The following TOM1L2 variants were observed in gnomAD, a reference collection of about 807,000 sequenced individuals.
TOM1L2 encodes the protein target of myb1 like 2 membrane trafficking protein, also known as TOM1-like protein 2.
TOM1L2 carries 31 observed loss-of-function variants against 67.9 expected under a neutral mutation model. The observed-to-expected ratio is 0.46, with a 90% CI of 0.34 to 0.62. The LOEUF is 0.62. Among genes scored for constraint, TOM1L2 ranks in the 20% least tolerant of loss-of-function variants. The pLI, the probability that TOM1L2 is intolerant of heterozygous loss-of-function variation, is 0.01. For synonymous variants in TOM1L2, 256 were observed against 254.0 expected (o/e 1.01, Z -0.07); for missense variants, 606 against 663.5 (o/e 0.91, Z 0.95).
chr17:17,950,600 G>C (rs1288126652), intron 1 of TOM1L2, among the ~76,000 whole-genome samples: 1 of 152,116 alleles, frequency 6.6e-6, no homozygotes, highest in Non-Finnish European at 1.5e-5. Context: ...AGTGAGTCTT[G>C]GCGGGGAGCC....
At chr17:17,905,332 C>A (rs2039043823) in intron 2 of TOM1L2, among the ~76,000 whole-genome samples, 2 of 152,334 alleles carry the variant, frequency 1.3e-5, no homozygotes, top group South Asian at 4.1e-4. Context: ...CTGATCTCTG[C>A]TCCCCAGCCT....
chr17:17,921,318 A>G (rs2039858502), intron 1 of TOM1L2, among the ~76,000 whole-genome samples: 1 of 152,206 alleles, frequency 6.6e-6, no homozygotes, highest in Non-Finnish European at 1.5e-5. Flanking sequence ...TGTTAGCCAC[A>G]CAGGCCCGAG....
intron 3 of TOM1L2, among the ~76,000 whole-genome samples, chr17:17,895,679 C>T (rs1340897933): frequency 6.6e-6 from 1 of 152,228 alleles, no homozygotes; most frequent in Non-Finnish European, 1.5e-5. Context: ...CCAGTCTCCT[C>T]GCCCACCTTG....
intron 14 of TOM1L2, among the ~76,000 whole-genome samples, chr17:17,848,066 G>A (rs1176459857): frequency 2.6e-5 from 4 of 152,148 alleles, no homozygotes; most frequent in African/African-American, 9.7e-5. Context: ...CCATTTTCCA[G>A]ATCAGCACTG....
chr17:17,871,934 C>T (rs749266578), intron 7 of TOM1L2: 126 of 961,180 alleles, frequency 1.3e-4, no homozygotes, highest in Non-Finnish European at 1.3e-4. Flanking sequence ...CACTACTATC[C>T]AGTAAAGAGA....
chr17:17,922,623 C>T (rs950650644), intron 1 of TOM1L2, among the ~76,000 whole-genome samples: 4 of 152,150 alleles, frequency 2.6e-5, no homozygotes, highest in Admixed American at 6.5e-5. Context: ...ACATTTCTCA[C>T]GCTCTCTGAA....
chr17:17,869,372 A>C lies in TOM1L2; in HGVS notation c.879T>G (p.Asp293Glu). ...ATCGAAGGAAGACGTTGTTGAGGTC[A>C]TCGTTCACATGCAGCAGCTCCTCGG... ...EVTEELLHVN[D>E]DLNNVFLRYE... Residue 293 changes from aspartate to glutamate, a missense_variant, in exon 8 of 15, where the codon GAT becomes GAG. By Grantham distance (45) the Asp-to-Glu change is conservative (BLOSUM62 2). Transcript: ENST00000379504. 6.2e-7 allele frequency: 1 copy of C among 1,612,650 alleles called. No homozygotes were observed.
intron 1 of TOM1L2, among the ~76,000 whole-genome samples, chr17:17,933,969 T>C (rs2040425730): frequency 6.6e-6 from 1 of 152,062 alleles, no homozygotes; most frequent in South Asian, 2.1e-4. Context: ...TCCCACAAGG[T>C]GACTCACTGC....
At chr17:17,848,784 C>G in intron 14 of TOM1L2, 39 bp downstream of exon 14, 1 of 1,612,090 alleles carries the variant, frequency 6.2e-7, no homozygotes, top group Non-Finnish European at 8.5e-7. Flanking sequence ...TGCACAGAGG[C>G]AACAAAAGGG....
chr17:17,892,840 T>C (rs1461164367), intron 4 of TOM1L2, among the ~76,000 whole-genome samples: 1 of 152,218 alleles, frequency 6.6e-6, no homozygotes. Flanking sequence ...AATCTTGATG[T>C]CCACATGGTG....
At chr17:17,971,713 A>C (rs886567849) in intron 1 of TOM1L2, among the ~76,000 whole-genome samples, 1 of 152,206 alleles carries the variant, frequency 6.6e-6, no homozygotes, top group Admixed American at 6.5e-5. Context: ...CATCTCCCAA[A>C]GCGCATTGGG....
chr17:17,859,360 C>A (rs2143668108), intron 12 of TOM1L2: 1 of 152,368 alleles, frequency 6.6e-6, no homozygotes, highest in African/African-American at 2.4e-5. Flanking sequence ...CAGGCATGAG[C>A]CACTGTGCCC....
intron 12 of TOM1L2, chr17:17,857,859 A>G: frequency 1.3e-6 from 2 of 1,535,666 alleles, no homozygotes; most frequent in Non-Finnish European, 1.7e-6. Context: ...GAAAAGTCTC[A>G]GAAAGAAAAG....
intron 1 of TOM1L2, among the ~76,000 whole-genome samples, chr17:17,918,019 CTTTAA>C (rs1040966296): frequency 2.8e-4 from 42 of 152,178 alleles, no homozygotes; most frequent in African/African-American, 9.6e-4. Flanking sequence ...CTTCTTTCTT[CTTTAA>C]TTTCTTTCAG....
At chr17:17,888,813 G>A (rs1344777360) in intron 4 of TOM1L2, among the ~76,000 whole-genome samples, 1 of 152,260 alleles carries the variant, frequency 6.6e-6, no homozygotes, top group African/African-American at 2.4e-5. Flanking sequence ...GCTCAGGGAT[G>A]GCATAGAGTG....
At chr17:17,856,869 G>A (rs1161669390) in intron 12 of TOM1L2, among the ~76,000 whole-genome samples, 1 of 152,238 alleles carries the variant, frequency 6.6e-6, no homozygotes, top group Non-Finnish European at 1.5e-5. Flanking sequence ...TGTGGGCCAG[G>A]AAAGCTCTGC....
In TOM1L2 at chr17:17,866,325, G is replaced by A; in HGVS notation, c.1055C>T (p.Ser352Phe). The A allele has an allele frequency of 1.2e-6, 2 of 1,612,918 alleles. No individual in the cohort carries two copies. The highest frequency in any genetic ancestry group is 1.7e-6 in the Non-Finnish European group (2 of 1,179,542). Residue 352 changes from serine (S) to phenylalanine (F), a missense_variant, in exon 10 of 15, where the codon TCT becomes TTT. Physicochemically the swap from Ser to Phe is radical, Grantham distance 155 (BLOSUM62 -2). Transcript: ENST00000379504. ...SPMVGNTAPPSSLSSQLAGLD... is the reference protein window; with the variant it reads ...SPMVGNTAPPFSLSSQLAGLD... The stretch of plus-strand genomic sequence containing the variant: ...GCCTGCAAGCTGGGAGGAGAGGGAA[G>A]ATGGGGGCGCTGTGTTCCCCACCAT...
chr17:17,943,956 G>A (rs1043698517), intron 1 of TOM1L2, among the ~76,000 whole-genome samples: 2 of 152,176 alleles, frequency 1.3e-5, no homozygotes, highest in East Asian at 3.8e-4. Flanking sequence ...ACTCCTACCA[G>A]AGAGCAGCTC....
At chr17:17,869,150 T>G (rs2037010691) in intron 8 of TOM1L2, 190 bp downstream of exon 8, 2 of 1,081,070 alleles carry the variant, frequency 1.9e-6, no homozygotes, top group Non-Finnish European at 1.3e-6. Context: ...CTGCTTCTGC[T>G]GCTCAGTTCC....
Sources: allele counts gnomAD v4.1 joint callset (sites outside exome capture counted in the v4.1 genomes callset), GRCh38; gene constraint gnomAD v4.1.1; transcripts MANE v1.5; gene names NCBI Gene and HGNC (gene_info 2026-07-23, HGNC 2026-07-21).